RBKS: variants seen among roughly 807,000 people sequenced by gnomAD.
RBKS encodes the protein ribokinase.
In RBKS, 33 loss-of-function variants were observed where a neutral mutation model predicts 33.9. That is an observed-to-expected ratio of 0.97 (90% CI 0.74 to 1.30). RBKS has a LOEUF of 1.30. Ranked by LOEUF, RBKS falls within the 50% of genes most tolerant of loss-of-function variation. The probability of loss-of-function intolerance (pLI) is 0.00; values close to 1 mark genes in which losing one functional copy is unlikely to be tolerated. For synonymous variants in RBKS, 125 were observed against 143.0 expected (o/e 0.87, Z 0.90); for missense variants, 361 against 392.6 (o/e 0.92, Z 0.68).
intron 7 of RBKS, among the ~76,000 whole-genome samples, chr2:27,820,629 C>T (rs1678184914): frequency 6.6e-6 from 1 of 151,950 alleles, no homozygotes; most frequent in South Asian, 2.1e-4. Flanking sequence ...CCAGGCTGCT[C>T]TTGAACTCTG....
chr2:27,870,596 A>G (rs1664185308), intron 1 of RBKS: 1 of 361,952 alleles, frequency 2.8e-6, no homozygotes, highest in Non-Finnish European at 5.5e-6. Context: ...GTGGTTGATA[A>G]TTTTAATCAC....
At position 27,852,545 on chromosome 2, in the gene RBKS, C is replaced by T. The variant is rs58835577; in HGVS notation, c.223-4448G>A. ...GACCTGAAGCTAAGGAGGGCAACTTCAGTCAGCATCATAACTTCTATTTTG... is the reference window on the plus strand; with the variant it reads ...GACCTGAAGCTAAGGAGGGCAACTTTAGTCAGCATCATAACTTCTATTTTG... On this transcript the variant is annotated intron_variant, in intron 2 of 7. Coordinates refer to ENST00000302188, the MANE Select transcript of RBKS (RefSeq NM_022128.3). Among the ~76,000 whole-genome samples the T allele has an allele frequency of 9.0e-3, 1,377 of 152,290 alleles. 24 individuals carry two copies. The highest frequency in any genetic ancestry group is 0.031 in the African/African-American group (1,282 of 41,558).
intron 1 of RBKS, among the ~76,000 whole-genome samples, chr2:27,867,103 C>CAAA (rs59698190): frequency 0.24 from 34,095 of 140,550 alleles, 4,387 homozygotes; most frequent in Non-Finnish European, 0.28. Flanking sequence ...GACCCTGTCT[C>CAAA]AAAAAAAAAA....
At chr2:27,803,982 T>TTGTA (rs1573039438) in intron 7 of RBKS, among the ~76,000 whole-genome samples, 1 of 152,062 alleles carries the variant, frequency 6.6e-6, no homozygotes, top group African/African-American at 2.4e-5. Flanking sequence ...GTGGAGGTTG[T>TTGTA]TGTAAGCTGA....
chr2:27,830,748 C>T (rs931799354), intron 6 of RBKS, among the ~76,000 whole-genome samples: 5 of 152,166 alleles, frequency 3.3e-5, no homozygotes, highest in African/African-American at 1.2e-4. Context: ...TCATATCACA[C>T]ATCCTGGTTT....
At chr2:27,839,174 G>A (rs1573057131) in intron 5 of RBKS, among the ~76,000 whole-genome samples, 1 of 152,280 alleles carries the variant, frequency 6.6e-6, no homozygotes, top group African/African-American at 2.4e-5. Context: ...GCTATGTGCT[G>A]GACAATGTCA....
intron 5 of RBKS, among the ~76,000 whole-genome samples, chr2:27,836,011 C>T (rs1427579457): frequency 8.6e-5 from 13 of 151,880 alleles, no homozygotes; most frequent in South Asian, 2.1e-4. Context: ...GTCAAGAGAT[C>T]GAGGCCATCC....
At chr2:27,782,236 A>G (rs568481489) in intron 7 of RBKS, among the ~76,000 whole-genome samples, 1 of 151,926 alleles carries the variant, frequency 6.6e-6, no homozygotes, top group African/African-American at 2.4e-5. Flanking sequence ...ATCATAGCTC[A>G]CTGCAGCCTG....
intron 7 of RBKS, among the ~76,000 whole-genome samples, chr2:27,824,292 A>G (rs1334151980): frequency 1.3e-5 from 2 of 152,164 alleles, no homozygotes; most frequent in African/African-American, 2.4e-5. Context: ...TATTGTCACA[A>G]TGTTGTACAA....
intron 7 of RBKS, among the ~76,000 whole-genome samples, chr2:27,814,094 G>A (rs557220862): frequency 7.9e-5 from 12 of 152,134 alleles, no homozygotes; most frequent in Non-Finnish European, 1.3e-4. Flanking sequence ...AATGGTGTAT[G>A]CCTGTGGTCC....
intron 4 of RBKS, among the ~76,000 whole-genome samples, chr2:27,843,566 G>A (rs1030542984): frequency 2.0e-5 from 3 of 152,130 alleles, no homozygotes; most frequent in Non-Finnish European, 4.4e-5. Flanking sequence ...TATGTATGCG[G>A]TAAAGGTTCT....
chr2:27,795,666 T>C lies in RBKS; in HGVS notation c.796-13878A>G, dbSNP rs1677652929. On this transcript the variant is annotated intron_variant, in intron 7 of 7. Coordinates refer to ENST00000302188, the MANE Select transcript of RBKS (RefSeq NM_022128.3). This position sits in a 1 kb window ranked among gnomAD's most constrained non-coding sequence, Gnocchi z 4.1. ...TGTCCAGAGTCACAGAGCTGGTAAA[T>C]GGCAGAGCTGCACTTTGTACCCAGA... 6.6e-6 allele frequency among the ~76,000 whole-genome samples: 1 copy of C among 152,126 alleles called. No homozygotes were observed. Among genetic ancestry groups the C allele is most frequent in the South Asian group, 2.1e-4 (1 of 4,828 alleles).
chr2:27,818,158 A>C (rs536853723), intron 7 of RBKS, among the ~76,000 whole-genome samples: 9 of 152,338 alleles, frequency 5.9e-5, no homozygotes, highest in African/African-American at 2.2e-4. Context: ...AAAGTGGTAA[A>C]GTGAACAATC....
At chr2:27,824,319 T>A (rs1678273636) in intron 7 of RBKS, among the ~76,000 whole-genome samples, 1 of 152,228 alleles carries the variant, frequency 6.6e-6, no homozygotes, top group Non-Finnish European at 1.5e-5. Flanking sequence ...ACCTCTTATC[T>A]AGTTTCAAAA....
chr2:27,885,148 C>A (rs530570905), intron 1 of RBKS, among the ~76,000 whole-genome samples: 2 of 152,244 alleles, frequency 1.3e-5, no homozygotes, highest in East Asian at 3.9e-4. Context: ...TCTCTGCATA[C>A]AATCTTCTGC....
At chr2:27,840,366 A>ACG (rs1229289037) in intron 5 of RBKS, among the ~76,000 whole-genome samples, 121 of 54,328 alleles carry the variant, frequency 2.2e-3, no homozygotes, top group African/African-American at 6.5e-3. Flanking sequence ...GCGCGCGCGC[A>ACG]CACACACACA....
At chr2:27,816,586 A>G (rs1284170756) in intron 7 of RBKS, among the ~76,000 whole-genome samples, 1 of 152,016 alleles carries the variant, frequency 6.6e-6, no homozygotes, top group Non-Finnish European at 1.5e-5. Context: ...ACTGTAGGTA[A>G]AACAATCTAA....
chr2:27,876,546 G>T (rs1469293820), intron 1 of RBKS, among the ~76,000 whole-genome samples: 1 of 152,100 alleles, frequency 6.6e-6, no homozygotes, highest in African/African-American at 2.4e-5. Flanking sequence ...TATGCTAAGT[G>T]AAATAAGTAA....
chr2:27,871,393 A>G (rs1176661320), intron 1 of RBKS, among the ~76,000 whole-genome samples: 2 of 152,224 alleles, frequency 1.3e-5, no homozygotes, highest in East Asian at 3.8e-4. Context: ...CATATTATAC[A>G]AAGCAGGTTC....
Sources: allele counts gnomAD v4.1 joint callset (sites outside exome capture counted in the v4.1 genomes callset), GRCh38; gene constraint gnomAD v4.1.1; non-coding constraint Gnocchi (gnomAD v3.1); transcripts MANE v1.5; gene names NCBI Gene and HGNC (gene_info 2026-07-23, HGNC 2026-07-21).